CDR2L: variants seen among roughly 807,000 people sequenced by gnomAD.
CDR2L encodes cerebellar degeneration-related protein 2-like.
A neutral mutation model predicts 36.1 loss-of-function variants in CDR2L; 19 were observed. The ratio of observed to expected loss-of-function variants is 0.53; its 90% CI spans 0.37 to 0.77. CDR2L has a LOEUF of 0.77. CDR2L is among the 30% of genes least tolerant of loss of function. CDR2L has a pLI of 0.00. For synonymous variants in CDR2L, 285 were observed against 280.4 expected (o/e 1.02, Z -0.16); for missense variants, 575 against 627.2 (o/e 0.92, Z 0.89).
At position 75,003,342 on chromosome 17, in the gene CDR2L, G is replaced by A. The variant is rs762801593; in HGVS notation, c.666G>A (p.Ala222=). The A allele has an allele frequency of 4.5e-6, 7 of 1,556,598 alleles. No individual in the cohort carries two copies. In the East Asian group the frequency reaches 1.5e-4, roughly 32 times the overall value. The change falls in exon 5 of 5, where the codon GCG becomes GCA. Residue 222 remains alanine (A), a synonymous_variant. Coordinates refer to ENST00000337231, the MANE Select transcript of CDR2L (RefSeq NM_014603.3). ...RKERAEREYT[A]VLQEYSELER... ...AGCGGGCGGAGCGCGAGTACACCGCGGTGCTGCAGGAGTACTCGGAGCTGG... is the reference window on the plus strand; with the variant it reads ...AGCGGGCGGAGCGCGAGTACACCGCAGTGCTGCAGGAGTACTCGGAGCTGG...
intron 1 of CDR2L, among the ~76,000 whole-genome samples, chr17:74,996,985 G>C (rs2039829850): frequency 6.6e-6 from 1 of 151,820 alleles, no homozygotes. Context: ...TTAATATTCA[G>C]CAAGCCCTTC....
chr17:74,997,032 T>TTTTCTTTCTTTCTTTC (rs1157949627), intron 1 of CDR2L, among the ~76,000 whole-genome samples: 5 of 137,562 alleles, frequency 3.6e-5, no homozygotes, highest in Admixed American at 1.5e-4. Context: ...CTATTCACCC[T>TTTTCTTTCTTTCTTTC]TTTCTTTCTT....
At position 74,999,320 on chromosome 17, in the gene CDR2L, ACAC is replaced by A. The variant is rs1475427239; in HGVS notation, c.80-183_80-181del. The stretch of plus-strand genomic sequence containing the variant: ...CACACACACACACACACACACAGAC[ACAC>A]ACAAAAAGAACATTCCAGGCAGAAA... On this transcript the variant is annotated intron_variant, in intron 1 of 4. Coordinates refer to ENST00000337231, the MANE Select transcript of CDR2L (RefSeq NM_014603.3). 2.6e-4 allele frequency among the ~76,000 whole-genome samples: 39 copies of A among 151,656 alleles called. No homozygotes were observed. In the East Asian group the frequency reaches 7.1e-3, roughly 28 times the overall value.
At chr17:74,999,687 T>G (rs1007961800) in intron 2 of CDR2L, 71 bp downstream of exon 2, 1 of 871,312 alleles carries the variant, frequency 1.1e-6, no homozygotes, top group African/African-American at 1.7e-5. Context: ...TTATGCAACT[T>G]AGAATAAGGT....
chr17:74,991,148 A>G (rs1296825077), intron 1 of CDR2L, among the ~76,000 whole-genome samples: 1 of 152,202 alleles, frequency 6.6e-6, no homozygotes, highest in African/African-American at 2.4e-5. Flanking sequence ...CACACCTGTA[A>G]TCCCAGCACT....
chr17:75,001,752 C>T (rs1416439385), intron 3 of CDR2L, among the ~76,000 whole-genome samples: 2 of 152,202 alleles, frequency 1.3e-5, no homozygotes, highest in Non-Finnish European at 2.9e-5. Context: ...CCCTCTAATA[C>T]CTCACAGCCT....
At chr17:74,999,289 C>CACACAT (rs1491572416) in intron 1 of CDR2L, among the ~76,000 whole-genome samples, 7 of 5,830 alleles carry the variant, frequency 1.2e-3, no homozygotes, top group Non-Finnish European at 5.3e-3. Context: ...TTACATCTTG[C>CACACAT]ACACACACAC....
In CDR2L at chr17:75,004,083, C is replaced by CGGCCT. The variant is rs1567976543; in HGVS notation, c.*11_*15dup. ...CGCACAGCAGCAAGTGACCCTTCTC[C>CGGCCT]GGCCTGCAGCCTCCCCCAGGGTGGA... On this transcript the variant is annotated 3_prime_UTR_variant, in exon 5 of 5. Coordinates refer to ENST00000337231, the MANE Select transcript of CDR2L (RefSeq NM_014603.3). The CGGCCT allele has an allele frequency of 1.9e-6, 3 of 1,591,936 alleles. No homozygotes were observed. Among genetic ancestry groups the CGGCCT allele is most frequent in the Non-Finnish European group, 2.6e-6 (3 of 1,168,374 alleles).
intron 1 of CDR2L, among the ~76,000 whole-genome samples, chr17:74,994,808 A>C (rs1278599737): frequency 6.6e-6 from 1 of 151,590 alleles, no homozygotes; most frequent in Non-Finnish European, 1.5e-5. Flanking sequence ...GGTCTCGGGT[A>C]GGGCGCGATC....
intron 2 of CDR2L, 88 bp from the exon 3 acceptor site, chr17:75,001,253 A>C: frequency 7.5e-7 from 1 of 1,331,510 alleles, no homozygotes. Flanking sequence ...GAAAAGAAAA[A>C]AGACAAAAAA....
intron 1 of CDR2L, among the ~76,000 whole-genome samples, chr17:74,988,580 T>TA: frequency 6.6e-6 from 1 of 152,288 alleles, no homozygotes; most frequent in East Asian, 1.9e-4. Flanking sequence ...TGACAGGAAT[T>TA]ATGAGCTCTA....
Position 74,999,104 on chromosome 17 carries a change from C to T in CDR2L, c.80-400C>T, listed in dbSNP as rs112035060. 7.5e-3 allele frequency among the ~76,000 whole-genome samples: 1,145 copies of T among 152,194 alleles called. 19 individuals are homozygous for T. Among genetic ancestry groups the T allele is most frequent in the African/African-American group, 0.026 (1,069 of 41,514 alleles). ...CTGGGCACAGCACTGACTCCTCACC[C>T]GCTAGTCTGGCTGTTAAGAGGAGAA... is the stretch of plus-strand genomic sequence containing the variant. On this transcript the variant is annotated intron_variant, in intron 1 of 4. Transcript: ENST00000337231.
At chr17:74,990,079 AC>A (rs956243840) in intron 1 of CDR2L, among the ~76,000 whole-genome samples, 1 of 152,132 alleles carries the variant, frequency 6.6e-6, no homozygotes, top group Non-Finnish European at 1.5e-5. Context: ...TAATTCCTGC[AC>A]CCCTAATGAA....
intron 1 of CDR2L, 85 bp downstream of exon 1, chr17:74,988,207 C>T: frequency 9.5e-7 from 1 of 1,051,132 alleles, no homozygotes; most frequent in Non-Finnish European, 1.3e-6. Flanking sequence ...GCTATCACCC[C>T]GGGAGGGGCT....
chr17:74,999,325 C>CACACACACACACAAAA (rs368672422), intron 1 of CDR2L, among the ~76,000 whole-genome samples, 179 bp from the exon 2 acceptor site: 2 of 151,092 alleles, frequency 1.3e-5, no homozygotes, highest in East Asian at 4.0e-4. Context: ...CAGACACACA[C>CACACACACACACAAAA]AAAAAGAACA....
chr17:75,004,059 G>T lies in CDR2L; in HGVS notation c.1383G>T (p.Thr461=), dbSNP rs1567976528. The part of the protein sequence containing the change: ...KADINATKVK[T]HSSK ...ACATCAACGCCACCAAAGTCAAGACGCACAGCAGCAAGTGACCCTTCTCCG... is the reference window on the plus strand; with the variant it reads ...ACATCAACGCCACCAAAGTCAAGACTCACAGCAGCAAGTGACCCTTCTCCG... Residue 461 remains threonine, a synonymous_variant, in exon 5 of 5, where the codon ACG becomes ACT. Transcript: ENST00000337231. 3 of 1,607,886 alleles carry T rather than the reference G, an allele frequency of 1.9e-6. No individual in the cohort carries two copies. In the South Asian group the frequency reaches 3.3e-5, roughly 18 times the overall value.
chr17:75,001,957 T>C, intron 3 of CDR2L, 107 bp from the exon 4 acceptor site: 2 of 961,790 alleles, frequency 2.1e-6, no homozygotes, highest in Non-Finnish European at 3.0e-6. Context: ...AGGGTACCTG[T>C]CTGCCTCCTA....
Position 75,003,285 on chromosome 17 carries a change from C to T in CDR2L, c.609C>T (p.Arg203=), listed in dbSNP as rs1462607017. ...TGCAGACCCTGGTGGGGGCGCTGCG[C>T]TCCCAGGTGAGCCAGGAGCGGCAGC... ...ERLQTLVGAL[R]SQVSQERQRK... is the part of the protein sequence containing the mutation. Residue 203 remains arginine (R), a synonymous_variant, in exon 5 of 5, where the codon CGC becomes CGT. Transcript: ENST00000337231. 2.6e-6 allele frequency: 4 copies of T among 1,556,398 alleles called. No homozygotes were observed. Among genetic ancestry groups the T allele is most frequent in the Non-Finnish European group, 3.5e-6 (4 of 1,151,052 alleles).
At chr17:74,995,560 G>A (rs1238112050) in intron 1 of CDR2L, among the ~76,000 whole-genome samples, 1 of 152,000 alleles carries the variant, frequency 6.6e-6, no homozygotes, top group East Asian at 1.9e-4. Context: ...AGGCTGGAGT[G>A]CAGTGGCACA....
Sources: allele counts gnomAD v4.1 joint callset (sites outside exome capture counted in the v4.1 genomes callset), GRCh38; gene constraint gnomAD v4.1.1; transcripts MANE v1.5; gene names NCBI Gene and HGNC (gene_info 2026-07-23, HGNC 2026-07-21).